Variants in FGF13 observed in about 807,000 individuals in gnomAD.
The protein encoded by FGF13 is fibroblast growth factor homologous factor 2.
A neutral mutation model predicts 19.5 loss-of-function variants in FGF13; 2 were observed. The ratio of observed to expected loss-of-function variants is 0.10; its 90% CI spans 0.04 to 0.32. FGF13 has a LOEUF of 0.32. FGF13 is among the 10% of genes least tolerant of loss of function. The probability of loss-of-function intolerance (pLI) is 1.00; values close to 1 mark genes in which losing one functional copy is unlikely to be tolerated. For missense variants in FGF13, 113 were observed against 192.7 expected, an observed-to-expected ratio of 0.59 and a Z score of 2.45; for synonymous variants, 72 against 76.9, an observed-to-expected ratio of 0.94 and a Z score of 0.33.
intron 1 of FGF13, among the ~76,000 whole-genome samples, chrX:139,159,152 G>A (rs1395283146): frequency 2.7e-5 from 3 of 112,254 alleles, no homozygotes. Context: ...CTACAAGCCA[G>A]AAGAGAGTGG....
In FGF13 at chrX:138,703,025, G is replaced by T. The variant is rs1268744732; in HGVS notation, c.361C>A (p.Leu121Met). 3 of 1,210,009 alleles carry T rather than the reference G, an allele frequency of 2.5e-6. No homozygotes were observed. ...VVAIQGVQTKLYLAMNSEGYL... is the reference protein window; with the variant it reads ...VVAIQGVQTKMYLAMNSEGYL... ...CCCTCACTGTTCATTGCCAAGTACA[G>T]CTTGGTTTGAACTCCTTGGATAGCC... is the stretch of plus-strand genomic sequence containing the variant. Residue 121 changes from leucine to methionine, a missense_variant, in exon 3 of 5, where the codon CTG (leucine) becomes ATG (methionine). By Grantham distance (15) the Leu-to-Met change is conservative (BLOSUM62 2). This residue lies in a region of FGF13 where 51 missense variants were observed against 78.5 expected (regional missense o/e 0.65). Transcript: ENST00000315930.
In FGF13 at chrX:139,189,440, G is replaced by A. The variant is rs972845185; in HGVS notation, c.-113+13976C>T. Reference sequence around the variant, plus strand: ...GCCAAATGTGGTCTATATATACAATGTAATATTATTCAGCCTGAAAAAGGA... The same window carrying A: ...GCCAAATGTGGTCTATATATACAATATAATATTATTCAGCCTGAAAAAGGA... On this transcript the variant is annotated intron_variant, in intron 1 of 2. Transcript: ENST00000421460. Among the ~76,000 whole-genome samples the A allele has an allele frequency of 7.2e-5, 8 of 111,458 alleles. No homozygotes were observed. In the East Asian group the frequency reaches 2.0e-3, roughly 28 times the overall value.
At chrX:138,749,442 G>C (rs1476075036) in intron 3 of FGF13, among the ~76,000 whole-genome samples, 2 of 110,683 alleles carry the variant, frequency 1.8e-5, no homozygotes, top group Non-Finnish European at 1.9e-5. Flanking sequence ...AAAATCACAG[G>C]GGGGCGGGTA....
At chrX:139,187,392 T>C (rs763453754) in intron 1 of FGF13, among the ~76,000 whole-genome samples, 24 of 112,739 alleles carry the variant, frequency 2.1e-4, no homozygotes, top group Non-Finnish European at 3.4e-4. Context: ...CATAAAACTA[T>C]GTACTTTCAT....
In FGF13 at chrX:138,625,970, G is replaced by A. The variant is rs1198962052; in HGVS notation, c.*6880C>T. 1 of 111,255 alleles carries A rather than the reference G, an allele frequency of 9.0e-6. No homozygotes were observed. The highest frequency in any genetic ancestry group is 1.9e-5 in the Non-Finnish European group (1 of 52,997). 9.2% of individuals were successfully genotyped at this position (111,255 alleles called of 1,213,427 possible). A position where few individuals can be genotyped will look rare whatever the true frequency, so the allele number is the denominator to read the frequency against. On this transcript the variant is annotated 3_prime_UTR_variant, in exon 5 of 5. Transcript: ENST00000315930. ...GCAAAATACAGATTGTTCAACAGAC[G>A]AAAAGGAGGAATTAGTAGGGCAATC...
At chrX:139,062,112 T>C (rs1435417151) in intron 1 of FGF13, among the ~76,000 whole-genome samples, 1 of 111,801 alleles carries the variant, frequency 8.9e-6, no homozygotes. Context: ...CTGTTCTTTT[T>C]TGGTCTTATC....
At position 139,101,657 on chromosome X, in the gene FGF13, C is replaced by T. The variant is rs2083515156; in HGVS notation, c.-113+101759G>A. 2.7e-5 allele frequency among the ~76,000 whole-genome samples: 3 copies of T among 112,481 alleles called. No homozygotes were observed. In the Admixed American group the frequency reaches 2.8e-4, roughly 11 times the overall value. Reference sequence around the variant, plus strand: ...TAAACGAATAAATAAAGGCCTCAATCTATCCCCTTTCACACTGTAGTAAGT... The same window carrying T: ...TAAACGAATAAATAAAGGCCTCAATTTATCCCCTTTCACACTGTAGTAAGT... On this transcript the variant is annotated intron_variant, in intron 1 of 2. Coordinates refer to the FGF13 transcript ENST00000421460.
At chrX:138,857,595 T>C (rs780258193) in exon 3 of FGF13, 1 of 1,208,095 alleles carries the variant, frequency 8.3e-7, no homozygotes, top group Non-Finnish European at 1.1e-6. Context: ...AAAGGGGGAC[T>C]CTTTTTTCTT....
chrX:139,176,819 T>G (rs1418598316), intron 1 of FGF13, among the ~76,000 whole-genome samples: 1 of 111,715 alleles, frequency 9.0e-6, no homozygotes, highest in Non-Finnish European at 1.9e-5. Context: ...TGAGGAGTGT[T>G]TTACTTCCAA....
intron 1 of FGF13, among the ~76,000 whole-genome samples, chrX:138,925,486 T>C (rs183515562): frequency 2.7e-5 from 3 of 111,645 alleles, no homozygotes. Context: ...TTCACAAGAC[T>C]CTTTACGGAG....
chrX:139,020,224 A>G (rs1307253359), intron 1 of FGF13, among the ~76,000 whole-genome samples: 3 of 111,771 alleles, frequency 2.7e-5, no homozygotes, highest in African/African-American at 9.7e-5. Context: ...TTCCTTTCTT[A>G]AAGCAGTTCT....
rs2088965050 is a variant in FGF13, at chrX:138,616,091, A to G, written c.*16759T>C. On this transcript the variant is annotated 3_prime_UTR_variant, in exon 5 of 5. Coordinates refer to ENST00000315930, the MANE Select transcript of FGF13 (RefSeq NM_004114.5). Reference sequence around the variant, plus strand: ...TTCCTCCCAAATCTCATGTTCTCACATTTCAAAACACAATCATGCCCTTCC... The same window carrying G: ...TTCCTCCCAAATCTCATGTTCTCACGTTTCAAAACACAATCATGCCCTTCC... 1 of 111,597 alleles carries G rather than the reference A, an allele frequency of 9.0e-6. No homozygotes were observed. Among genetic ancestry groups the G allele is most frequent in the African/African-American group, 3.3e-5 (1 of 30,634 alleles). 9.2% of individuals were successfully genotyped at this position (111,597 alleles called of 1,213,427 possible).
At chrX:138,708,018 G>A (rs1035397474) in intron 2 of FGF13, among the ~76,000 whole-genome samples, 2 of 112,341 alleles carry the variant, frequency 1.8e-5, no homozygotes, top group African/African-American at 6.5e-5. Flanking sequence ...AAAAAAAATT[G>A]TGAGAACTAA....
rs199608784 is a variant in FGF13, at chrX:138,984,495, G to GAGAAGAAGGAGA, written c.-112-119846_-112-119845insTCTCCTTCTTCT. On this transcript the variant is annotated intron_variant, in intron 1 of 2. Transcript: ENST00000421460. ...GAAGGAGAAGGAGAAGAAGGAGAAGGAGAAGGAGAAGAAGAGGAAGAAGAA... is the reference window on the plus strand; with the variant it reads ...GAAGGAGAAGGAGAAGAAGGAGAAGGAGAAGAAGGAGAAGAAGGAGAAGAAGAGGAAGAAGAA... Among the ~76,000 whole-genome samples the GAGAAGAAGGAGA allele has an allele frequency of 1.5e-4, 10 of 68,421 alleles. 1 individual carries two copies. In the South Asian group the frequency reaches 9.6e-3, roughly 66 times the overall value. The allele number at this position is 68,421 out of a possible 115,157, so 59.4% of individuals were successfully genotyped here.
At chrX:138,912,809 A>G (rs1820101932) in intron 1 of FGF13, among the ~76,000 whole-genome samples, 1 of 111,752 alleles carries the variant, frequency 8.9e-6, no homozygotes, top group Non-Finnish European at 1.9e-5. Flanking sequence ...GCCATTCAAA[A>G]TGGCAGTGGG....
chrX:138,728,639 G>A (rs2090203666), intron 1 of FGF13, among the ~76,000 whole-genome samples: 1 of 110,592 alleles, frequency 9.0e-6, no homozygotes, highest in African/African-American at 3.3e-5. Context: ...GAGAGGGGAA[G>A]GAGGGCTGAG....
rs1039745660 is a variant in FGF13, at chrX:138,618,341, G to A, written c.*14509C>T. On this transcript the variant is annotated 3_prime_UTR_variant, in exon 5 of 5. Transcript: ENST00000315930. ...GAAAGGGAGAGTGTAGTAAATGAAT[G>A]CCTGGCTTTCCTAGCCACGTGGGAC... The A allele has an allele frequency of 1.8e-5, 2 of 111,655 alleles. No individual in the cohort carries two copies. Among genetic ancestry groups the A allele is most frequent in the Non-Finnish European group, 3.8e-5 (2 of 53,157 alleles). The allele number at this position is 111,655 out of a possible 1,213,427, so 9.2% of individuals were successfully genotyped here.
intron 1 of FGF13, among the ~76,000 whole-genome samples, chrX:139,190,640 G>T (rs1414902993): frequency 8.9e-6 from 1 of 111,932 alleles, no homozygotes; most frequent in African/African-American, 3.3e-5. Flanking sequence ...CTGTAATTAA[G>T]GATCTGTGGA....
At chrX:139,184,586 C>T (rs1165160073) in intron 1 of FGF13, among the ~76,000 whole-genome samples, 2 of 110,944 alleles carry the variant, frequency 1.8e-5, no homozygotes, top group Admixed American at 1.9e-4. Context: ...CAGCAGATAA[C>T]ATATCTTTTT....
Sources: allele counts gnomAD v4.1 joint callset (sites outside exome capture counted in the v4.1 genomes callset), GRCh38; gene constraint gnomAD v4.1.1; regional missense constraint gnomAD v4.1.1; transcripts MANE v1.5; gene names NCBI Gene and HGNC (gene_info 2026-07-23, HGNC 2026-07-21).